The following CNGA3 variants were observed in gnomAD, a reference collection of about 807,000 sequenced individuals.
CNGA3 encodes the protein cyclic nucleotide gated channel subunit alpha 3.
Under a neutral mutation model 46.6 loss-of-function variants are expected in CNGA3, and 42 were observed. That is an observed-to-expected ratio of 0.90 (90% confidence interval 0.70 to 1.17). The LOEUF (loss-of-function observed/expected upper bound fraction) is 1.17. Among genes scored for constraint, CNGA3 ranks in the 50% most tolerant of loss-of-function variants. The pLI is 0.00. For synonymous variants in CNGA3, 394 were observed against 369.4 expected (o/e 1.07, Z -0.76); for missense variants, 893 against 890.7 (o/e 1.00, Z -0.03).
At chr2:98,381,820 C>T (rs1024270642) in intron 4 of CNGA3, among the ~76,000 whole-genome samples, 1 of 151,720 alleles carries the variant, frequency 6.6e-6, no homozygotes, top group Non-Finnish European at 1.5e-5. Flanking sequence ...CCAGTATCCT[C>T]GAGGGACACC....
At chr2:98,370,208 G>A in intron 2 of CNGA3, 132 bp downstream of exon 2, 2 of 736,664 alleles carry the variant, frequency 2.7e-6, no homozygotes, top group South Asian at 1.5e-5. Context: ...GGTATTCACA[G>A]CACTGCCAAC....
At chr2:98,378,210 G>C (rs1168183813) in intron 3 of CNGA3, 11 of 1,549,282 alleles carry the variant, frequency 7.1e-6, no homozygotes, top group Admixed American at 2.0e-5. Flanking sequence ...TGCTCGTCTG[G>C]ACCCCAGGGC....
intron 2 of CNGA3, among the ~76,000 whole-genome samples, chr2:98,373,868 A>G (rs2104186592): frequency 6.6e-6 from 1 of 152,280 alleles, no homozygotes; most frequent in South Asian, 2.1e-4. Context: ...CTGACAGAAG[A>G]GTGGTCTTCT....
At chr2:98,363,872 G>C (rs1419230082) in intron 1 of CNGA3, among the ~76,000 whole-genome samples, 1 of 152,132 alleles carries the variant, frequency 6.6e-6, no homozygotes, top group Non-Finnish European at 1.5e-5. Flanking sequence ...TCGATGATCT[G>C]TCTAATATTG....
intron 4 of CNGA3, among the ~76,000 whole-genome samples, chr2:98,381,100 AGTCTCCCCAGCAGGTG>A (rs1461946368): frequency 6.6e-6 from 1 of 152,256 alleles, no homozygotes; most frequent in East Asian, 1.9e-4. Flanking sequence ...GTTCATGAGA[AGTCTCCCCAGCAGGTG>A]GTCTGCAGAG....
rs185460724 is a variant in CNGA3, at chr2:98,365,413, T to C, written c.-37-4526T>C. ...GTTGATCTTCTCATGGAGTACCTTA[T>C]TGGAGTTCTCTGGATTTCCTGAATT... is the stretch of plus-strand genomic sequence containing the variant. On this transcript the variant is annotated intron_variant, in intron 1 of 7. Coordinates refer to ENST00000272602, the MANE Select transcript of CNGA3 (RefSeq NM_001298.3). Among the ~76,000 whole-genome samples the C allele has an allele frequency of 1.0e-3, 150 of 144,744 alleles. 3 individuals are homozygous for C. The highest frequency in any genetic ancestry group is 9.9e-3 in the Admixed American group (144 of 14,534). The allele number at this position is 144,744 out of a possible 152,430, so 95.0% of individuals were successfully genotyped here.
Position 98,396,443 on chromosome 2 carries a change from C to T in CNGA3, c.1273C>T (p.Gln425Ter), listed in dbSNP as rs571419754. ...AKIDSIKQYMQFRKVTKDLET... is the reference protein window; with the variant it reads ...AKIDSIKQYM ...GATTGATTCCATCAAGCAGTACATG[C>T]AGTTCCGCAAGGTCACCAAGGACTT... The change falls in exon 8 of 8, where the codon CAG becomes TAG. Residue 425 changes from glutamine to a stop codon, truncating the protein, a stop_gained. Coordinates refer to ENST00000272602, the MANE Select transcript of CNGA3 (RefSeq NM_001298.3). LOFTEE classifies it high-confidence loss of function. 3.1e-6 allele frequency: 5 copies of T among 1,614,010 alleles called. No homozygotes were observed. Among genetic ancestry groups the T allele is most frequent in the Non-Finnish European group, 4.2e-6 (5 of 1,180,042 alleles).
chr2:98,365,470 G>A (rs577209536), intron 1 of CNGA3, among the ~76,000 whole-genome samples: 2 of 152,258 alleles, frequency 1.3e-5, no homozygotes, highest in Admixed American at 6.5e-5. Flanking sequence ...AGGTTGGGGA[G>A]GTTCTCCTGG....
chr2:98,381,780 G>A lies in CNGA3; in HGVS notation c.395+1426G>A, dbSNP rs1301383372. 2.6e-4 allele frequency among the ~76,000 whole-genome samples: 39 copies of A among 152,150 alleles called. 1 individual carries two copies. Reference sequence around the variant, plus strand: ...CTGGGCGCTGGCCCAGACAAGTGCAGGGAGGTCCCAGGTTCCCAGGACTGG... The same window carrying A: ...CTGGGCGCTGGCCCAGACAAGTGCAAGGAGGTCCCAGGTTCCCAGGACTGG... On this transcript the variant is annotated intron_variant, in intron 4 of 7. Coordinates refer to ENST00000272602, the MANE Select transcript of CNGA3 (RefSeq NM_001298.3).
intron 4 of CNGA3, among the ~76,000 whole-genome samples, chr2:98,380,802 G>A (rs1030975196): frequency 6.6e-6 from 1 of 152,198 alleles, no homozygotes; most frequent in Non-Finnish European, 1.5e-5. Context: ...ACAAGTTTAT[G>A]TGTAGGCACG....
chr2:98,381,920 G>A (rs541219984), intron 4 of CNGA3, among the ~76,000 whole-genome samples: 1 of 152,190 alleles, frequency 6.6e-6, no homozygotes, highest in African/African-American at 2.4e-5. Flanking sequence ...AAGTTTCTCA[G>A]CAAGCCAGCC....
In CNGA3 at chr2:98,395,869, C is replaced by T; in HGVS notation, c.699C>T (p.Val233=). The stretch of plus-strand genomic sequence containing the variant: ...GTTTTCTCGAGCAAGGCTTAATGGT[C>T]AGTGATACCAACAGGCTGTGGCAGC... ...RTGFLEQGLM[V]SDTNRLWQHY... is the part of the protein sequence containing the mutation. Residue 233 remains valine (V), a synonymous_variant, in exon 8 of 8, where the codon GTC becomes GTT. Transcript: ENST00000272602. The T allele has an allele frequency of 6.2e-7, 1 of 1,614,154 alleles. No homozygotes were observed. The highest frequency in any genetic ancestry group is 8.5e-7 in the Non-Finnish European group (1 of 1,180,038).
At chr2:98,367,167 G>GTTTATTTTCTTTTATTTT (rs751611132) in intron 1 of CNGA3, among the ~76,000 whole-genome samples, 1 of 101,588 alleles carries the variant, frequency 9.8e-6, no homozygotes, top group Admixed American at 1.1e-4. Context: ...GACATCAGCT[G>GTTTATTTTCTTTTATTTT]TTTTTTTTCT....
At chr2:98,392,554 C>T (rs955540759) in intron 7 of CNGA3, among the ~76,000 whole-genome samples, 77 of 148,302 alleles carry the variant, frequency 5.2e-4, no homozygotes, top group Non-Finnish European at 3.0e-4. Flanking sequence ...TAGCAACATT[C>T]TGTCTCAAAA....
intron 5 of CNGA3, among the ~76,000 whole-genome samples, chr2:98,386,459 C>T (rs1464143330): frequency 6.6e-6 from 1 of 152,222 alleles, no homozygotes; most frequent in African/African-American, 2.4e-5. Flanking sequence ...GGGAGTTCCC[C>T]TGCACAGACT....
chr2:98,394,530 G>C (rs935716922), intron 7 of CNGA3, among the ~76,000 whole-genome samples: 5 of 152,154 alleles, frequency 3.3e-5, no homozygotes, highest in African/African-American at 4.8e-5. Context: ...ATAGTGTTAT[G>C]AATCCCCATG....
At chr2:98,377,562 G>A (rs933203483) in intron 2 of CNGA3, 125 bp from the exon 3 acceptor site, 2 of 885,214 alleles carry the variant, frequency 2.3e-6, no homozygotes, top group African/African-American at 3.3e-5. Flanking sequence ...GGAGCCCCTG[G>A]GATGAGGATC....
In CNGA3 at chr2:98,397,735, T is replaced by G. The variant is rs1245305180; in HGVS notation, c.*480T>G. On this transcript the variant is annotated 3_prime_UTR_variant, in exon 8 of 8. Coordinates refer to ENST00000272602, the MANE Select transcript of CNGA3 (RefSeq NM_001298.3). ...AAATTCAGACTTACACAAGACAGTT[T>G]GAGGCATATTTCTTAATCTGGTATC... The G allele has an allele frequency of 5.4e-6, 1 of 186,656 alleles. No homozygotes were observed. The highest frequency in any genetic ancestry group is 2.4e-5 in the African/African-American group (1 of 42,130). The allele number at this position is 186,656 out of a possible 1,614,324, so 11.6% of individuals were successfully genotyped here. A position where few individuals can be genotyped will look rare whatever the true frequency, so the allele number is the denominator to read the frequency against.
chr2:98,384,810 C>T (rs763808610), intron 5 of CNGA3, among the ~76,000 whole-genome samples: 16 of 152,140 alleles, frequency 1.1e-4, no homozygotes, highest in Non-Finnish European at 2.2e-4. Context: ...ATAGCGTGGG[C>T]TGCACCCGGC....
Sources: allele counts gnomAD v4.1 joint callset (sites outside exome capture counted in the v4.1 genomes callset), GRCh38; gene constraint gnomAD v4.1.1; transcripts MANE v1.5; gene names NCBI Gene and HGNC (gene_info 2026-07-23, HGNC 2026-07-21).